Variants in NFYA observed in about 807,000 individuals in gnomAD.
NFYA encodes the protein CAAT-box DNA binding protein subunit A.
NFYA carries 28 observed loss-of-function variants against 52.8 expected under a neutral mutation model. The observed-to-expected ratio is 0.53, with a 90% CI of 0.39 to 0.73. The LOEUF (loss-of-function observed/expected upper bound fraction) is 0.73, where lower values mean the gene tolerates loss of function less well. Among genes scored for constraint, NFYA ranks in the 30% least tolerant of loss-of-function variants. The pLI, the probability that NFYA is intolerant of heterozygous loss-of-function variation, is 0.00. For missense variants in NFYA, 234 were observed against 427.0 expected (o/e 0.55, Z 3.98); for synonymous variants, 150 against 150.7 (o/e 1.00, Z 0.03).
At chr6:41,080,415 C>G (rs1763874092) in intron 2 of NFYA, among the ~76,000 whole-genome samples, 1 of 152,044 alleles carries the variant, frequency 6.6e-6, no homozygotes. Context: ...TGCATTTAAG[C>G]CCAGAATTTT....
intron 4 of NFYA, among the ~76,000 whole-genome samples, chr6:41,085,570 A>G (rs927356980): frequency 6.6e-6 from 1 of 152,152 alleles, no homozygotes; most frequent in Non-Finnish European, 1.5e-5. Context: ...CTAAATGTTT[A>G]TATTGTTTCA....
intron 2 of NFYA, among the ~76,000 whole-genome samples, chr6:41,080,321 T>C (rs1763871136): frequency 6.6e-6 from 1 of 151,954 alleles, no homozygotes; most frequent in Non-Finnish European, 1.5e-5. Flanking sequence ...AAAAAAAGAA[T>C]CTTAGTTTTG....
chr6:41,073,069 G>C lies in NFYA; in HGVS notation c.-77G>C, dbSNP rs1297812312. The C allele has an allele frequency of 4.6e-5, 7 of 153,790 alleles. No individual in the cohort carries two copies. 9.5% of individuals were successfully genotyped at this position (153,790 alleles called of 1,614,324 possible). A position where few individuals can be genotyped will look rare whatever the true frequency, so the allele number is the denominator to read the frequency against. On this transcript the variant is annotated 5_prime_UTR_variant, in exon 1 of 10. Coordinates refer to ENST00000341376, the MANE Select transcript of NFYA (RefSeq NM_002505.5). ...AGCCAATCAGCGCGGGCAGCGAACCGGGGGAGCGAGGCACGGTGAGTGTGA... is the reference window on the plus strand; with the variant it reads ...AGCCAATCAGCGCGGGCAGCGAACCCGGGGAGCGAGGCACGGTGAGTGTGA...
intron 6 of NFYA, 109 bp downstream of exon 6, chr6:41,090,418 TG>T: frequency 1.7e-6 from 1 of 598,972 alleles, no homozygotes; most frequent in African/African-American, 1.9e-5. Flanking sequence ...ACATATTTTT[TG>T]GACAAAAAAA....
Position 41,100,540 on chromosome 6 carries a change from G to A in NFYA, c.*3130G>A, listed in dbSNP as rs1281236400. Among the ~76,000 whole-genome samples, 1 of 152,178 alleles carries A rather than the reference G, an allele frequency of 6.6e-6. No individual in the cohort carries two copies. The highest frequency in any genetic ancestry group is 1.5e-5 in the Non-Finnish European group (1 of 68,028). ...ACTCAATGATGAGAGCAGTAGACCT[G>A]CCCTGGCAGATGAGAGAGGAGAAAC... is the stretch of plus-strand genomic sequence containing the variant. On this transcript the variant is annotated 3_prime_UTR_variant, in exon 10 of 10. Transcript: ENST00000341376.
rs1403368414 is a variant in NFYA at position 41,101,209 on chromosome 6, G to A, written c.*3799G>A. On this transcript the variant is annotated 3_prime_UTR_variant, in exon 10 of 10. Coordinates refer to ENST00000341376, the MANE Select transcript of NFYA (RefSeq NM_002505.5). ...GGCGACGGCCGGCACTTGCACTTAA[G>A]TCTCCTGGCCTGCGGGAGAGGCGGC... 1 of 152,316 alleles carries A rather than the reference G, an allele frequency of 6.6e-6. No homozygotes were observed. Among genetic ancestry groups the A allele is most frequent in the African/African-American group, 2.4e-5 (1 of 41,476 alleles). 9.4% of individuals were successfully genotyped at this position (152,316 alleles called of 1,614,324 possible). A position where few individuals can be genotyped will look rare whatever the true frequency, so the allele number is the denominator to read the frequency against.
intron 4 of NFYA, among the ~76,000 whole-genome samples, chr6:41,086,651 A>C (rs1384116615): frequency 6.6e-6 from 1 of 152,192 alleles, no homozygotes; most frequent in Non-Finnish European, 1.5e-5. Flanking sequence ...AGAGATGTCC[A>C]GTCTCATGAA....
At chr6:41,083,801 TGA>T (rs1763971699) in intron 3 of NFYA, among the ~76,000 whole-genome samples, 1 of 152,274 alleles carries the variant, frequency 6.6e-6, no homozygotes, top group African/African-American at 2.4e-5. Flanking sequence ...TTATATCTAT[TGA>T]GACTTCTCAA....
intron 1 of NFYA, chr6:41,075,808 A>C (rs1431240582): frequency 2.0e-5 from 3 of 151,300 alleles, no homozygotes; most frequent in Non-Finnish European, 2.9e-5. Context: ...ATATCACTTT[A>C]TCTCTTAGGA....
Position 41,101,003 on chromosome 6 carries a change from G to C in NFYA, c.*3593G>C, listed in dbSNP as rs529981759. 1 of 152,304 alleles carries C rather than the reference G, an allele frequency of 6.6e-6. No individual in the cohort carries two copies. Among genetic ancestry groups the C allele is most frequent in the African/African-American group, 2.4e-5 (1 of 41,468 alleles). 9.4% of individuals were successfully genotyped at this position (152,304 alleles called of 1,614,324 possible). A position where few individuals can be genotyped will look rare whatever the true frequency, so the allele number is the denominator to read the frequency against. ...TGCTACGCGGCTGGGCCCTGTTTCC[G>C]GTACCTAGGCGGGCAGCCATGGTGA... On this transcript the variant is annotated 3_prime_UTR_variant, in exon 10 of 10. Transcript: ENST00000341376.
In NFYA at chr6:41,100,942, G is replaced by A. The variant is rs1370236580; in HGVS notation, c.*3532G>A. On this transcript the variant is annotated 3_prime_UTR_variant, in exon 10 of 10. Coordinates refer to ENST00000341376, the MANE Select transcript of NFYA (RefSeq NM_002505.5). The stretch of plus-strand genomic sequence containing the variant: ...AGGAAGCCTGCGCGGATTGATCGGC[G>A]GCAGGCCTCCAATAGAGCCTGCTAG... The A allele has an allele frequency of 6.6e-6, 1 of 152,248 alleles. No homozygotes were observed. The highest frequency in any genetic ancestry group is 1.5e-5 in the Non-Finnish European group (1 of 68,060). 9.4% of individuals were successfully genotyped at this position (152,248 alleles called of 1,614,324 possible).
Position 41,097,367 on chromosome 6 carries a change from A to G in NFYA, c.1001A>G (p.Gln334Arg). 1 of 1,613,990 alleles carries G rather than the reference A, an allele frequency of 6.2e-7. No individual in the cohort carries two copies. The highest frequency in any genetic ancestry group is 8.5e-7 in the Non-Finnish European group (1 of 1,179,900). The part of the protein sequence containing the change: ...KDSPHMQDPN[Q>R]ADEEAMTQII... ...CATCTTTGTCTCTAGGATCCAAACC[A>G]AGCCGATGAAGAAGCAATGACACAG... The change falls in exon 10 of 10, where the codon CAA (glutamine) becomes CGA (arginine). Residue 334 changes from glutamine to arginine, a missense_variant. Gln to Arg is a conservative substitution (Grantham distance 43, BLOSUM62 1). Around this residue, in one of 3 missense-constraint regions of NFYA, gnomAD observed 35 missense variants for 34.2 expected, o/e 1.02. Transcript: ENST00000341376.
At chr6:41,080,577 G>C (rs1242454090) in intron 2 of NFYA, among the ~76,000 whole-genome samples, 1 of 152,180 alleles carries the variant, frequency 6.6e-6, no homozygotes, top group Non-Finnish European at 1.5e-5. Flanking sequence ...TTGTGTTAAT[G>C]ATGACAACTG....
At chr6:41,078,923 C>A in intron 1 of NFYA, 106 bp from the exon 2 acceptor site, 1 of 555,200 alleles carries the variant, frequency 1.8e-6, no homozygotes, top group Admixed American at 3.1e-5. Flanking sequence ...TTCTCCTATC[C>A]TGTTTTCTTG....
At position 41,101,551 on chromosome 6, in the gene NFYA, A is replaced by G. The variant is rs558006140; in HGVS notation, c.*4141A>G. On this transcript the variant is annotated 3_prime_UTR_variant, in exon 10 of 10. Coordinates refer to ENST00000341376, the MANE Select transcript of NFYA (RefSeq NM_002505.5). ...GTTCAGTTAATTCGTTCTTGGCGTC[A>G]TAAGTATATGCCCGCCGTTGTTCTG... 5.4e-4 allele frequency among the ~76,000 whole-genome samples: 82 copies of G among 152,312 alleles called. No homozygotes were observed. Among genetic ancestry groups the G allele is most frequent in the African/African-American group, 1.9e-3 (80 of 41,554 alleles).
rs1764437274 is a variant in NFYA, at chr6:41,099,224, A to T, written c.*1814A>T. ...TAGCTCTACAAGAGTTTGGGATATTAATGTTATTCAGTAAGTCCCAAGTTT... is the reference window on the plus strand; with the variant it reads ...TAGCTCTACAAGAGTTTGGGATATTTATGTTATTCAGTAAGTCCCAAGTTT... On this transcript the variant is annotated 3_prime_UTR_variant, in exon 10 of 10. Coordinates refer to ENST00000341376, the MANE Select transcript of NFYA (RefSeq NM_002505.5). 2 of 152,222 alleles carry T rather than the reference A, an allele frequency of 1.3e-5. No homozygotes were observed. The highest frequency in any genetic ancestry group is 4.8e-5 in the African/African-American group (2 of 41,452). The allele number at this position is 152,222 out of a possible 1,614,324, so 9.4% of individuals were successfully genotyped here.
chr6:41,084,272 T>C (rs1763983385), intron 4 of NFYA, 80 bp downstream of exon 4: 1 of 1,483,440 alleles, frequency 6.7e-7, no homozygotes, highest in Non-Finnish European at 9.1e-7. Flanking sequence ...TATTTGATAA[T>C]TGATATTGCA....
chr6:41,080,113 T>A (rs915364675), intron 2 of NFYA, among the ~76,000 whole-genome samples: 1 of 152,152 alleles, frequency 6.6e-6, no homozygotes, highest in African/African-American at 2.4e-5. Context: ...GTTGAATCAT[T>A]GAAAACATGG....
At chr6:41,095,489 T>C (rs1362951346) in intron 9 of NFYA, among the ~76,000 whole-genome samples, 1 of 152,178 alleles carries the variant, frequency 6.6e-6, no homozygotes, top group Non-Finnish European at 1.5e-5. Context: ...TTGGAGGCAG[T>C]GGTGTGATTA....
Sources: allele counts gnomAD v4.1 joint callset (sites outside exome capture counted in the v4.1 genomes callset), GRCh38; gene constraint gnomAD v4.1.1; regional missense constraint gnomAD v4.1.1; transcripts MANE v1.5; gene names NCBI Gene and HGNC (gene_info 2026-07-23, HGNC 2026-07-21).